Variants in SDK2 observed in about 807,000 individuals in gnomAD.
SDK2 encodes the protein protein sidekick-2.
SDK2 carries 105 observed loss-of-function variants against 253.9 expected under a neutral mutation model. The ratio of observed to expected loss-of-function variants is 0.41; its 90% CI spans 0.35 to 0.49. The LOEUF (loss-of-function observed/expected upper bound fraction) is 0.49. Ranked by LOEUF, SDK2 falls within the 20% of genes least tolerant of loss-of-function variation. SDK2 has a pLI of 0.06. For synonymous variants in SDK2, 1,249 were observed against 1,234.9 expected, an observed-to-expected ratio of 1.01 and a Z score of -0.24; for missense variants, 2,608 against 3,003.0, an observed-to-expected ratio of 0.87 and a Z score of 3.07.
intron 15 of SDK2, among the ~76,000 whole-genome samples, chr17:73,420,215 C>G (rs895264944): frequency 1.3e-5 from 2 of 152,264 alleles, no homozygotes; most frequent in African/African-American, 4.8e-5. Context: ...CCTAAGTGTA[C>G]TTTTCACATC....
intron 1 of SDK2, among the ~76,000 whole-genome samples, chr17:73,565,827 G>C (rs1160092379): frequency 6.6e-6 from 1 of 152,076 alleles, no homozygotes; most frequent in Non-Finnish European, 1.5e-5. Context: ...TGGTTTGTTT[G>C]TTTGTTTGTT....
At position 73,339,217 on chromosome 17, in the gene SDK2, T is replaced by TTTTTG. The variant is rs1555746992; in HGVS notation, c.6166-278_6166-277insCAAAA. Among the ~76,000 whole-genome samples the TTTTTG allele has an allele frequency of 8.8e-5, 13 of 148,186 alleles. 1 individual carries two copies. Among genetic ancestry groups the TTTTTG allele is most frequent in the Non-Finnish European group, 1.4e-4 (9 of 66,550 alleles). ...TGATAGAATCAGAAGACCTGAGTTT[T>TTTTTG]TTTTTGTTTTTGTTTTTGTTTTTTT... On this transcript the variant is annotated intron_variant, in intron 44 of 44. Transcript: ENST00000392650.
At chr17:73,438,631 A>AAGACAGAC (rs34644814) in intron 6 of SDK2, among the ~76,000 whole-genome samples, 1,700 of 146,650 alleles carry the variant, frequency 0.012, 31 homozygotes, top group East Asian at 0.064. Context: ...AAGGGCAGAC[A>AAGACAGAC]AGACAGACAG....
intron 22 of SDK2, 30 bp downstream of exon 22, chr17:73,399,138 G>A: frequency 1.9e-6 from 3 of 1,610,616 alleles, no homozygotes; most frequent in Middle Eastern, 1.9e-4. Flanking sequence ...CCTGGCGGGG[G>A]CTGCTGGTCA....
At chr17:73,552,184 A>G (rs1199379641) in intron 1 of SDK2, among the ~76,000 whole-genome samples, 3 of 152,174 alleles carry the variant, frequency 2.0e-5, no homozygotes, top group Admixed American at 1.3e-4. Flanking sequence ...CAATAAAGAG[A>G]AAGCGAAACT....
intron 4 of SDK2, among the ~76,000 whole-genome samples, chr17:73,453,439 G>A (rs2063502743): frequency 6.7e-6 from 1 of 150,298 alleles, no homozygotes; most frequent in South Asian, 2.1e-4. Flanking sequence ...GTGCAGTGGT[G>A]CAATCTTGGC....
intron 25 of SDK2, among the ~76,000 whole-genome samples, chr17:73,394,862 C>G (rs2062957249): frequency 6.6e-6 from 1 of 152,200 alleles, no homozygotes; most frequent in Non-Finnish European, 1.5e-5. Flanking sequence ...AGGGTTAAAG[C>G]TGAGGGCAGG....
At chr17:73,355,172 A>ATATATATATATG (rs1555750484) in intron 40 of SDK2, among the ~76,000 whole-genome samples, 3 of 23,340 alleles carry the variant, frequency 1.3e-4, no homozygotes, top group African/African-American at 5.2e-4. Context: ...ATATATATAT[A>ATATATATATATG]TATTTTTTTT....
At position 73,447,057 on chromosome 17, in the gene SDK2, C is replaced by G. The variant is rs1253951944; in HGVS notation, c.613+558G>C. Among the ~76,000 whole-genome samples, 1 of 152,162 alleles carries G rather than the reference C, an allele frequency of 6.6e-6. No homozygotes were observed. The highest frequency in any genetic ancestry group is 2.4e-5 in the African/African-American group (1 of 41,438). Reference sequence around the variant, plus strand: ...GGTGAGTTCTAGGGAGGGCTTTGCCCTTTTCGCCCAGGGAGCTGGAGGTGT... The same window carrying G: ...GGTGAGTTCTAGGGAGGGCTTTGCCGTTTTCGCCCAGGGAGCTGGAGGTGT... On this transcript the variant is annotated intron_variant, in intron 5 of 44. Coordinates refer to ENST00000392650, the MANE Select transcript of SDK2 (RefSeq NM_001144952.2). The surrounding 1 kb of genome is among the most constrained non-coding windows in gnomAD (Gnocchi z 4.0).
In SDK2 at chr17:73,419,241, T is replaced by A. The variant is rs749808824; in HGVS notation, c.2111A>T (p.Asn704Ile). 2 of 1,612,968 alleles carry A rather than the reference T, an allele frequency of 1.2e-6. No homozygotes were observed. Among genetic ancestry groups the A allele is most frequent in the South Asian group, 2.2e-5 (2 of 90,722 alleles). Residue 704 changes from asparagine (N) to isoleucine (I), a missense_variant, in exon 16 of 45, where the codon AAC (asparagine) becomes ATC (isoleucine). Around this residue, in one of 2 missense-constraint regions of SDK2, gnomAD observed 1,505 missense variants for 1,859.1 expected, o/e 0.81. Coordinates refer to ENST00000392650, the MANE Select transcript of SDK2 (RefSeq NM_001144952.2). ...PQNVIASGRTNQSIMIQWQPP... is the reference protein window; with the variant it reads ...PQNVIASGRTIQSIMIQWQPP... ...CTGCCACTGGATCATGATGGACTGG[T>A]TGGTTCGACCGCTGGCGATGACGTT...
intron 15 of SDK2, among the ~76,000 whole-genome samples, chr17:73,422,006 T>C (rs8064693): frequency 0.77 from 117,052 of 152,044 alleles, 45,947 homozygotes; most frequent in Admixed American, 0.83. Context: ...GGATGTGGAG[T>C]GGAAGGAGGT....
At position 73,391,493 on chromosome 17, in the gene SDK2, G is replaced by A. The variant is rs35289088; in HGVS notation, c.3944C>T (p.Thr1315Met). The A allele has an allele frequency of 1.3e-3, 1,649 of 1,309,134 alleles. 2 individuals carry two copies. Among genetic ancestry groups the A allele is most frequent in the Non-Finnish European group, 1.5e-3 (1,539 of 1,020,664 alleles). The allele number at this position is 1,309,134 out of a possible 1,614,324, so 81.1% of individuals were successfully genotyped here. A position where few individuals can be genotyped will look rare whatever the true frequency, so the allele number is the denominator to read the frequency against. The change falls in exon 28 of 45, where the codon ACG (threonine) becomes ATG (methionine). Residue 1315 changes from threonine (T) to methionine (M), a missense_variant. Around this residue, in one of 2 missense-constraint regions of SDK2, gnomAD observed 1,505 missense variants for 1,859.1 expected, o/e 0.81. Coordinates refer to ENST00000392650, the MANE Select transcript of SDK2 (RefSeq NM_001144952.2). ...GGGCTGCCAGATCAGCCGCACAGAC[G>A]TGGTCCGCACCTCTGGGAACAGGAT... ...MGILFPEVRT[T>M]SVRLIWQPPA...
In SDK2 at chr17:73,447,727, G is replaced by A; in HGVS notation, c.501C>T (p.Thr167=). 3.2e-6 allele frequency: 5 copies of A among 1,551,734 alleles called. No homozygotes were observed. In the East Asian group the frequency reaches 9.8e-5, roughly 30 times the overall value. Reference sequence around the variant, plus strand: ...GGGCCACCGTTGACAGGATGACAAGGGTGTTCTCCAGCGTGATGGCTCTGG... The same window carrying A: ...GGGCCACCGTTGACAGGATGACAAGAGTGTTCTCCAGCGTGATGGCTCTGG... The part of the protein sequence containing the change: ...SSRIAITLEN[T]LVILSTVAPD... The change falls in exon 5 of 45, where the codon ACC becomes ACT. Residue 167 remains threonine, a synonymous_variant. Coordinates refer to ENST00000392650, the MANE Select transcript of SDK2 (RefSeq NM_001144952.2). The surrounding 1 kb of genome is among the most constrained non-coding windows in gnomAD (Gnocchi z 4.0).
At chr17:73,608,473 G>T (rs539102689) in intron 1 of SDK2, among the ~76,000 whole-genome samples, 90 of 152,130 alleles carry the variant, frequency 5.9e-4, no homozygotes, top group Admixed American at 5.9e-3. Context: ...AGGGAGTTTT[G>T]CCCTTGTCAC....
intron 1 of SDK2, among the ~76,000 whole-genome samples, chr17:73,586,844 T>C (rs1025312878): frequency 2.0e-5 from 3 of 152,184 alleles, no homozygotes; most frequent in African/African-American, 4.8e-5. Flanking sequence ...GAGGAATAGG[T>C]TGGGAATATG....
chr17:73,560,005 G>A (rs1488349708), intron 1 of SDK2, among the ~76,000 whole-genome samples: 3 of 152,072 alleles, frequency 2.0e-5, no homozygotes, highest in Admixed American at 6.5e-5. Flanking sequence ...GGTTCCTCTG[G>A]GCCATCACAC....
chr17:73,469,059 G>T (rs2063624544), intron 3 of SDK2, among the ~76,000 whole-genome samples: 1 of 152,140 alleles, frequency 6.6e-6, no homozygotes, highest in African/African-American at 2.4e-5. Context: ...TCCTGACCTT[G>T]TGATCTGCCC....
At chr17:73,586,607 T>G (rs951188234) in intron 1 of SDK2, among the ~76,000 whole-genome samples, 11 of 143,398 alleles carry the variant, frequency 7.7e-5, no homozygotes, top group Non-Finnish European at 1.5e-5. Context: ...CTGCAGGGGG[T>G]GGGTGGGTGG....
intron 32 of SDK2, 101 bp from the exon 33 acceptor site, chr17:73,384,112 T>G: frequency 7.6e-7 from 1 of 1,311,686 alleles, no homozygotes; most frequent in East Asian, 2.5e-5. Context: ...GCAGGGACTA[T>G]GTTTTAACCA....
Sources: allele counts gnomAD v4.1 joint callset (sites outside exome capture counted in the v4.1 genomes callset), GRCh38; gene constraint gnomAD v4.1.1; regional missense constraint gnomAD v4.1.1; non-coding constraint Gnocchi (gnomAD v3.1); transcripts MANE v1.5; gene names NCBI Gene and HGNC (gene_info 2026-07-23, HGNC 2026-07-21).